Variants in TRIM71 observed in about 807,000 individuals in gnomAD.
TRIM71 encodes E3 ubiquitin-protein ligase TRIM71.
In TRIM71, 9 loss-of-function variants were observed where a neutral mutation model predicts 61.2. The ratio of observed to expected loss-of-function variants is 0.15; its 90% CI spans 0.09 to 0.26. The LOEUF is 0.26. Ranked by LOEUF, TRIM71 falls within the 10% of genes least tolerant of loss-of-function variation. The pLI is 1.00. For synonymous variants in TRIM71, 645 were observed against 553.2 expected (o/e 1.17, Z -2.33); for missense variants, 998 against 1,238.7 (o/e 0.81, Z 2.92).
At chr3:32,826,517 A>T (rs960969826) in intron 1 of TRIM71, among the ~76,000 whole-genome samples, 13 of 149,002 alleles carry the variant, frequency 8.7e-5, no homozygotes, top group African/African-American at 3.2e-4. Flanking sequence ...TGTCATCCTT[A>T]CTGTAGATTT....
intron 1 of TRIM71, among the ~76,000 whole-genome samples, chr3:32,823,889 T>C (rs1696169102): frequency 6.6e-6 from 1 of 152,104 alleles, no homozygotes; most frequent in African/African-American, 2.4e-5. Flanking sequence ...CTGGCCAACA[T>C]GGTGAAACCC....
chr3:32,870,223 T>A (rs1421343288), intron 1 of TRIM71, among the ~76,000 whole-genome samples: 1 of 152,108 alleles, frequency 6.6e-6, no homozygotes, highest in African/African-American at 2.4e-5. Flanking sequence ...GCTCCAACTT[T>A]TAGCTGGAAG....
In TRIM71 at chr3:32,895,717, A is replaced by C. The variant is rs78459004; in HGVS notation, c.*3906A>C. 3,187 of 152,358 alleles carry C rather than the reference A, an allele frequency of 0.021. 36 individuals carry two copies. The highest frequency in any genetic ancestry group is 0.063 in the South Asian group (302 of 4,822). 9.4% of individuals were successfully genotyped at this position (152,358 alleles called of 1,614,324 possible). On this transcript the variant is annotated 3_prime_UTR_variant, in exon 4 of 4. Transcript: ENST00000383763. The stretch of plus-strand genomic sequence containing the variant: ...TTGTACTTGCAGGTGATGGTGTCAC[A>C]GGGCCAGGGCCTCCAGAGCTCTACG...
intron 1 of TRIM71, among the ~76,000 whole-genome samples, chr3:32,861,887 T>C (rs1483560201): frequency 6.6e-6 from 1 of 152,164 alleles, no homozygotes; most frequent in Admixed American, 6.5e-5. Context: ...ACACCCCACC[T>C]GAGCCTCGGC....
At chr3:32,879,231 T>C (rs1383795860) in intron 2 of TRIM71, among the ~76,000 whole-genome samples, 1 of 152,216 alleles carries the variant, frequency 6.6e-6, no homozygotes, top group Non-Finnish European at 1.5e-5. Context: ...GGTTTGATCT[T>C]TTCTCCAGAT....
At chr3:32,880,340 T>C (rs1174301659) in intron 2 of TRIM71, among the ~76,000 whole-genome samples, 1 of 152,212 alleles carries the variant, frequency 6.6e-6, no homozygotes, top group African/African-American at 2.4e-5. Context: ...CATCCATTTA[T>C]TTTTAAGATC....
At chr3:32,821,737 C>T (rs1403559697) in intron 1 of TRIM71, among the ~76,000 whole-genome samples, 1 of 151,894 alleles carries the variant, frequency 6.6e-6, no homozygotes, top group Non-Finnish European at 1.5e-5. Flanking sequence ...CCGAGGTCGC[C>T]GTCCCCGGAA....
At chr3:32,880,206 A>C (rs1164150038) in intron 2 of TRIM71, among the ~76,000 whole-genome samples, 1 of 151,734 alleles carries the variant, frequency 6.6e-6, no homozygotes, top group Non-Finnish European at 1.5e-5. Flanking sequence ...TTGTGTTTTT[A>C]GTAGAGATGG....
chr3:32,862,645 T>G (rs1197521062), intron 1 of TRIM71, among the ~76,000 whole-genome samples: 1 of 152,238 alleles, frequency 6.6e-6, no homozygotes, highest in Admixed American at 6.5e-5. Context: ...GGAAAACTTG[T>G]GTGTCTACGT....
chr3:32,850,665 T>A (rs2125681879), intron 1 of TRIM71, among the ~76,000 whole-genome samples: 1 of 152,350 alleles, frequency 6.6e-6, no homozygotes, highest in African/African-American at 2.4e-5. Context: ...CTAGCTTGTG[T>A]AGATGAACAT....
At chr3:32,847,980 T>C (rs750772951) in intron 1 of TRIM71, among the ~76,000 whole-genome samples, 1 of 152,192 alleles carries the variant, frequency 6.6e-6, no homozygotes, top group Non-Finnish European at 1.5e-5. Flanking sequence ...TGATTTAAAG[T>C]ATATGGGAGG....
chr3:32,837,834 T>G (rs1696353211), intron 1 of TRIM71, among the ~76,000 whole-genome samples: 3 of 152,192 alleles, frequency 2.0e-5, no homozygotes, highest in African/African-American at 7.2e-5. Flanking sequence ...TCCTGAAGTC[T>G]TTACCTCTAT....
chr3:32,874,707 A>G (rs1394544364), intron 2 of TRIM71, among the ~76,000 whole-genome samples: 1 of 151,290 alleles, frequency 6.6e-6, no homozygotes, highest in Non-Finnish European at 1.5e-5. Flanking sequence ...TATTTTTAGT[A>G]GAGATTGGGT....
intron 1 of TRIM71, among the ~76,000 whole-genome samples, chr3:32,847,934 TTACATTGTACTAGATATTCATAACCAATC>T (rs1696493941): frequency 6.6e-6 from 1 of 152,198 alleles, no homozygotes; most frequent in African/African-American, 2.4e-5. Flanking sequence ...GACATAATAT[TTACATTGTACTAGATATTCATAACCAATC>T]TAGAAATGAT....
chr3:32,885,058 C>T (rs200258990), intron 2 of TRIM71, among the ~76,000 whole-genome samples: 2 of 152,080 alleles, frequency 1.3e-5, no homozygotes, highest in Admixed American at 1.3e-4. Flanking sequence ...TTGAAAGTCC[C>T]ACATCCCAGA....
chr3:32,831,155 C>T (rs1273055412), intron 1 of TRIM71, among the ~76,000 whole-genome samples: 2 of 151,782 alleles, frequency 1.3e-5, no homozygotes, highest in African/African-American at 2.4e-5. Flanking sequence ...GGTGGGGGAC[C>T]GTGGGGGATT....
chr3:32,896,735 G>A lies in TRIM71; in HGVS notation c.*4924G>A, dbSNP rs1697081527. 1 of 152,132 alleles carries A rather than the reference G, an allele frequency of 6.6e-6. No homozygotes were observed. The highest frequency in any genetic ancestry group is 1.9e-4 in the East Asian group (1 of 5,198). The allele number at this position is 152,132 out of a possible 1,614,324, so 9.4% of individuals were successfully genotyped here. ...TTCTAAAAGTTTTGTGTATCCACAT[G>A]GTCTTAGACCTCCTTTTAATGATTG... is the stretch of plus-strand genomic sequence containing the variant. On this transcript the variant is annotated 3_prime_UTR_variant, in exon 4 of 4. Coordinates refer to ENST00000383763, the MANE Select transcript of TRIM71 (RefSeq NM_001039111.3).
At chr3:32,841,375 G>T (rs971740683) in intron 1 of TRIM71, among the ~76,000 whole-genome samples, 1 of 151,148 alleles carries the variant, frequency 6.6e-6, no homozygotes, top group South Asian at 2.1e-4. Context: ...GAGAAACTGC[G>T]TAAAGAATAC....
chr3:32,897,526 C>T lies in TRIM71; in HGVS notation c.*5715C>T, dbSNP rs1697092367. ...TGGTTGATTTTGGGTTTTTTTCCCCCCTCCTCTTTTGGCTTTCACATTTTA... is the reference window on the plus strand; with the variant it reads ...TGGTTGATTTTGGGTTTTTTTCCCCTCTCCTCTTTTGGCTTTCACATTTTA... On this transcript the variant is annotated 3_prime_UTR_variant, in exon 4 of 4. Coordinates refer to ENST00000383763, the MANE Select transcript of TRIM71 (RefSeq NM_001039111.3). 6.6e-6 allele frequency: 1 copy of T among 151,808 alleles called. No individual in the cohort carries two copies. The highest frequency in any genetic ancestry group is 6.6e-5 in the Admixed American group (1 of 15,256). The allele number at this position is 151,808 out of a possible 1,614,324, so 9.4% of individuals were successfully genotyped here. A position where few individuals can be genotyped will look rare whatever the true frequency, so the allele number is the denominator to read the frequency against.
Sources: gnomAD v4.1 joint callset for allele counts (sites outside exome capture counted in the v4.1 genomes callset) on GRCh38, gnomAD v4.1.1 for gene constraint, MANE v1.5 for transcripts, NCBI Gene and HGNC (gene_info 2026-07-23, HGNC 2026-07-21) for gene names.